BICRAL: variants seen among roughly 807,000 people sequenced by gnomAD.
BICRAL encodes the protein BICRA like chromatin remodeling complex associated protein, also known as BRD4-interacting chromatin-remodeling complex-associated protein-like.
A neutral mutation model predicts 91.8 loss-of-function variants in BICRAL; 8 were observed. The ratio of observed to expected loss-of-function variants is 0.09; its 90% confidence interval spans 0.05 to 0.16. The LOEUF (loss-of-function observed/expected upper bound fraction) is 0.16, where lower values mean the gene tolerates loss of function less well. Ranked by LOEUF, BICRAL falls within the 10% of genes least tolerant of loss-of-function variation. The probability of loss-of-function intolerance (pLI) is 1.00; values close to 1 mark genes in which losing one functional copy is unlikely to be tolerated. For missense variants in BICRAL, 1,038 were observed against 1,310.9 expected, an observed-to-expected ratio of 0.79 and a Z score of 3.21; for synonymous variants, 445 against 491.1, an observed-to-expected ratio of 0.91 and a Z score of 1.24.
intron 2 of BICRAL, among the ~76,000 whole-genome samples, chr6:42,816,040 T>G (rs1043353920): frequency 3.4e-5 from 5 of 148,488 alleles, no homozygotes; most frequent in Non-Finnish European, 7.5e-5. Flanking sequence ...ACAGCTGATG[T>G]GGCTTATTCT....
chr6:42,808,393 G>C (rs1459194069), intron 1 of BICRAL, among the ~76,000 whole-genome samples: 1 of 152,130 alleles, frequency 6.6e-6, no homozygotes, highest in East Asian at 1.9e-4. Flanking sequence ...GCCTCCCAAA[G>C]TGCTGGGATT....
chr6:42,802,325 A>G (rs374920515), intron 1 of BICRAL, among the ~76,000 whole-genome samples: 5 of 152,250 alleles, frequency 3.3e-5, no homozygotes, highest in African/African-American at 7.2e-5. Flanking sequence ...TAGAAATCAG[A>G]TAAGTATCAG....
chr6:42,813,206 G>T (rs1763888159), intron 2 of BICRAL, among the ~76,000 whole-genome samples: 1 of 152,082 alleles, frequency 6.6e-6, no homozygotes. Context: ...AAATTGGAGG[G>T]AAACTATAAA....
intron 1 of BICRAL, among the ~76,000 whole-genome samples, chr6:42,771,089 C>T (rs1762717318): frequency 6.6e-6 from 1 of 152,224 alleles, no homozygotes; most frequent in African/African-American, 2.4e-5. Flanking sequence ...TGCCCAGGGC[C>T]ACCCCAAGCC....
chr6:42,823,035 A>G (rs1436249263), intron 5 of BICRAL, 32 bp downstream of exon 5: 1 of 1,343,762 alleles, frequency 7.4e-7, no homozygotes. Context: ...CAATGATTGA[A>G]TGGTTTCTGT....
chr6:42,751,899 C>T (rs1762387105), intron 1 of BICRAL, among the ~76,000 whole-genome samples: 1 of 151,664 alleles, frequency 6.6e-6, no homozygotes, highest in Non-Finnish European at 1.5e-5. Context: ...TCAGATGATC[C>T]GCCCGCCTCA....
At chr6:42,834,910 A>G (rs1437488742) in intron 6 of BICRAL, among the ~76,000 whole-genome samples, 1 of 152,130 alleles carries the variant, frequency 6.6e-6, no homozygotes, top group African/African-American at 2.4e-5. Context: ...CCAAGATCTA[A>G]GCATTATGTG....
Position 42,828,984 on chromosome 6 carries a change from G to A in BICRAL, c.651G>A (p.Gly217=). 1 of 1,614,078 alleles carries A rather than the reference G, an allele frequency of 6.2e-7. No individual in the cohort carries two copies. Among genetic ancestry groups the A allele is most frequent in the South Asian group, 1.1e-5 (1 of 91,086 alleles). The part of the protein sequence containing the change: ...ISGSGQIQLI[G]SFGNHPSMMT... ...GTTCTGGTCAAATACAGTTAATTGG[G>A]TCATTTGGTAATCATCCTTCCATGA... Residue 217 remains glycine, a synonymous_variant, in exon 6 of 13, where the codon GGG becomes GGA. Transcript: ENST00000314073.
upstream of BICRAL, among the ~76,000 whole-genome samples, chr6:42,778,597 C>T (rs1177416071): frequency 6.6e-6 from 1 of 152,074 alleles, no homozygotes; most frequent in Non-Finnish European, 1.5e-5. Flanking sequence ...TATATAAATT[C>T]AGGTTTGTTA....
intron 1 of BICRAL, among the ~76,000 whole-genome samples, chr6:42,786,009 C>T (rs1038204481): frequency 5.3e-5 from 8 of 151,932 alleles, no homozygotes; most frequent in African/African-American, 1.9e-4. Flanking sequence ...GAGCTGAGAT[C>T]GCGCCACTGC....
intron 1 of BICRAL, among the ~76,000 whole-genome samples, chr6:42,758,542 G>C (rs1359695262): frequency 6.6e-6 from 1 of 152,158 alleles, no homozygotes; most frequent in Non-Finnish European, 1.5e-5. Context: ...GGCTCCCTCA[G>C]AGCTCAGAAG....
upstream of BICRAL, among the ~76,000 whole-genome samples, chr6:42,778,858 C>A (rs1762838740): frequency 1.3e-5 from 2 of 152,082 alleles, no homozygotes; most frequent in South Asian, 4.1e-4. Context: ...TGCTCTGTCG[C>A]CCAGGCTGGA....
intron 12 of BICRAL, 104 bp downstream of exon 12, chr6:42,862,716 A>G (rs573973416): frequency 3.6e-5 from 27 of 748,324 alleles, no homozygotes; most frequent in African/African-American, 3.1e-4. Context: ...ACTTGAAGGT[A>G]GAACGTGAAT....
At chr6:42,820,591 A>G (rs1764109535) in intron 2 of BICRAL, among the ~76,000 whole-genome samples, 1 of 152,170 alleles carries the variant, frequency 6.6e-6, no homozygotes, top group Non-Finnish European at 1.5e-5. Context: ...CTCCACAGTC[A>G]TGTTACACTA....
At chr6:42,751,154 TTTTTTTTTTTTTTAGTTAGAC>T (rs981569031) in intron 1 of BICRAL, among the ~76,000 whole-genome samples, 25 of 140,236 alleles carry the variant, frequency 1.8e-4, no homozygotes, top group South Asian at 4.7e-4. Context: ...CTTAAATCAC[TTTTTTTTTTTTTTAGTTAGAC>T]AAACAGCTTT....
Position 42,759,952 on chromosome 6 carries a change from A to T in BICRAL, c.-261+12929A>T, listed in dbSNP as rs114072705. 7.1e-3 allele frequency among the ~76,000 whole-genome samples: 1,088 copies of T among 152,192 alleles called. 5 individuals are homozygous for T. Among genetic ancestry groups the T allele is most frequent in the Non-Finnish European group, 0.012 (793 of 68,014 alleles). ...GGTACACAGTAAGTGCTTGTTAAAG[A>T]GATGATTTATGGCCAGGTGTGGTGG... On this transcript the variant is annotated intron_variant, in intron 1 of 14. Transcript: ENST00000614467.
upstream of BICRAL, among the ~76,000 whole-genome samples, chr6:42,778,075 T>C (rs1337706841): frequency 6.6e-6 from 1 of 152,222 alleles, no homozygotes; most frequent in Non-Finnish European, 1.5e-5. Context: ...TTTTGCCATA[T>C]TATTAAATAA....
chr6:42,866,886 G>A lies in BICRAL; in HGVS notation c.*1440G>A. ...TCACTTATCTCCTCTCATTGGGAAA[G>A]CTACATGATAGTATTTTTATGCACT... is the stretch of plus-strand genomic sequence containing the variant. On this transcript the variant is annotated 3_prime_UTR_variant, in exon 13 of 13. Transcript: ENST00000314073. 1 of 456,050 alleles carries A rather than the reference G, an allele frequency of 2.2e-6. No individual in the cohort carries two copies. The highest frequency in any genetic ancestry group is 1.5e-5 in the South Asian group (1 of 64,556). The allele number at this position is 456,050 out of a possible 1,614,324, so 28.3% of individuals were successfully genotyped here. A position where few individuals can be genotyped will look rare whatever the true frequency, so the allele number is the denominator to read the frequency against.
At chr6:42,778,624 C>T (rs1308048136), upstream of BICRAL, among the ~76,000 whole-genome samples, 1 of 152,144 alleles carries the variant, frequency 6.6e-6, no homozygotes, top group Non-Finnish European at 1.5e-5. Flanking sequence ...TTTTCAAAGT[C>T]AGATTTCAGT....
Sources: gnomAD v4.1 joint callset for allele counts (sites outside exome capture counted in the v4.1 genomes callset) on GRCh38, gnomAD v4.1.1 for gene constraint, MANE v1.5 for transcripts, NCBI Gene and HGNC (gene_info 2026-07-23, HGNC 2026-07-21) for gene names.